PTPRM: variants seen among roughly 807,000 people sequenced by gnomAD.
The protein encoded by PTPRM is protein tyrosine phosphatase receptor type M, also known as receptor-type tyrosine-protein phosphatase mu.
In PTPRM, 47 loss-of-function variants were observed where a neutral mutation model predicts 186.7. That is an observed-to-expected ratio of 0.25 (90% CI 0.20 to 0.32). The LOEUF (loss-of-function observed/expected upper bound fraction) is 0.32. PTPRM is among the 10% of genes least tolerant of loss of function. The probability of loss-of-function intolerance (pLI) is 1.00; values close to 1 mark genes in which losing one functional copy is unlikely to be tolerated. For synonymous variants in PTPRM, 668 were observed against 674.9 expected (o/e 0.99, Z 0.16); for missense variants, 1,494 against 1,865.0 (o/e 0.80, Z 3.66).
intron 13 of PTPRM, among the ~76,000 whole-genome samples, chr18:8,115,029 CT>C (rs2091901491): frequency 6.6e-6 from 1 of 151,706 alleles, no homozygotes; most frequent in Non-Finnish European, 1.5e-5. Flanking sequence ...CATATAGATA[CT>C]TTTTAAAATA....
chr18:7,885,556 G>A (rs564420855), intron 2 of PTPRM, among the ~76,000 whole-genome samples: 1 of 152,258 alleles, frequency 6.6e-6, no homozygotes, highest in African/African-American at 2.4e-5. Context: ...AAGAGGACTT[G>A]TGTGTAATAG....
At chr18:7,835,401 CTT>C (rs1415865449) in intron 2 of PTPRM, among the ~76,000 whole-genome samples, 1 of 151,902 alleles carries the variant, frequency 6.6e-6, no homozygotes, top group Non-Finnish European at 1.5e-5. Flanking sequence ...CAAAATTCCT[CTT>C]GTTATTGATT....
chr18:8,195,463 A>G (rs575067759), intron 14 of PTPRM, among the ~76,000 whole-genome samples: 1 of 152,352 alleles, frequency 6.6e-6, no homozygotes, highest in Non-Finnish European at 1.5e-5. Context: ...AGCGCTATTC[A>G]CAATAGCAAA....
intron 2 of PTPRM, among the ~76,000 whole-genome samples, chr18:7,816,495 A>C (rs953087840): frequency 6.6e-6 from 1 of 152,248 alleles, no homozygotes; most frequent in African/African-American, 2.4e-5. Flanking sequence ...CTTAAAAATT[A>C]AGTGGTATAA....
Position 8,067,676 on chromosome 18 carries a change from A to G in PTPRM, c.1133-2010A>G, listed in dbSNP as rs140312851. Among the ~76,000 whole-genome samples, 7 of 152,342 alleles carry G rather than the reference A, an allele frequency of 4.6e-5. No individual in the cohort carries two copies. In the East Asian group the frequency reaches 7.7e-4, roughly 17 times the overall value. ...GGGGATTTTAAGTTCTCTCTGTGGC[A>G]TAATTGATGGAGAAAACAGACACAA... On this transcript the variant is annotated intron_variant, in intron 7 of 32. Transcript: ENST00000580170.
intron 3 of PTPRM, among the ~76,000 whole-genome samples, chr18:7,898,968 A>G (rs548125058): frequency 1.9e-4 from 29 of 152,350 alleles, no homozygotes; most frequent in African/African-American, 7.0e-4. Context: ...CTACTGATCA[A>G]TACCGGATGC....
At chr18:7,841,040 A>G (rs1462410404) in intron 2 of PTPRM, among the ~76,000 whole-genome samples, 1 of 152,170 alleles carries the variant, frequency 6.6e-6, no homozygotes, top group Non-Finnish European at 1.5e-5. Flanking sequence ...TTTTATAGTC[A>G]CATAGCATCA....
intron 2 of PTPRM, among the ~76,000 whole-genome samples, chr18:7,791,875 GAATT>G (rs1449267310): frequency 6.6e-5 from 10 of 151,984 alleles, no homozygotes; most frequent in African/African-American, 2.2e-4. Flanking sequence ...TAAAAGTCAA[GAATT>G]AATCCATAAC....
At chr18:8,219,465 T>A (rs536439709) in intron 14 of PTPRM, among the ~76,000 whole-genome samples, 86 of 98,486 alleles carry the variant, frequency 8.7e-4, no homozygotes, top group African/African-American at 2.7e-3. Flanking sequence ...AGAGTCCATC[T>A]CAAAAAAAAA....
rs573242014 is a variant in PTPRM at position 8,376,428 on chromosome 18, C to T, written c.3327-34C>T. 1.9e-6 allele frequency: 3 copies of T among 1,613,856 alleles called. No individual in the cohort carries two copies. In the African/African-American group the frequency reaches 4.0e-5, roughly 22 times the overall value. The stretch of plus-strand genomic sequence containing the variant: ...AAGCAGCAGCAGCAGTGTGGTCCTT[C>T]TTCCTCCACTGACAGACCCCCCTTT... On this transcript the variant is annotated intron_variant, in intron 25 of 32. Coordinates refer to ENST00000580170, the MANE Select transcript of PTPRM (RefSeq NM_001105244.2).
intron 23 of PTPRM, among the ~76,000 whole-genome samples, chr18:8,359,838 G>C (rs1352106910): frequency 6.6e-6 from 1 of 152,218 alleles, no homozygotes; most frequent in Non-Finnish European, 1.5e-5. Flanking sequence ...TTCTGCTCAC[G>C]AGCCCTTGAA....
chr18:7,813,072 A>T (rs901722177), intron 2 of PTPRM, among the ~76,000 whole-genome samples: 6 of 152,252 alleles, frequency 3.9e-5, no homozygotes, highest in African/African-American at 1.4e-4. Context: ...TGTGCAGGTT[A>T]TGCCCACTTT....
At chr18:7,620,197 C>G (rs2037904244) in intron 1 of PTPRM, among the ~76,000 whole-genome samples, 1 of 152,180 alleles carries the variant, frequency 6.6e-6, no homozygotes, top group African/African-American at 2.4e-5. Context: ...AAACCGCTGG[C>G]TGCTACACAG....
At chr18:8,363,385 A>G (rs1158105484) in intron 23 of PTPRM, among the ~76,000 whole-genome samples, 3 of 152,234 alleles carry the variant, frequency 2.0e-5, no homozygotes, top group African/African-American at 7.2e-5. Context: ...TCGTAGATCT[A>G]TACTGTGACC....
chr18:7,602,628 T>C (rs75831754), intron 1 of PTPRM, among the ~76,000 whole-genome samples: 4,621 of 151,940 alleles, frequency 0.03, 237 homozygotes, highest in African/African-American at 0.11. Context: ...GGTCTTCCCA[T>C]GTTTTCAAGA....
At chr18:8,165,802 G>C (rs2093314652) in intron 14 of PTPRM, among the ~76,000 whole-genome samples, 1 of 152,160 alleles carries the variant, frequency 6.6e-6, no homozygotes, top group Non-Finnish European at 1.5e-5. Context: ...AGCTTATAGT[G>C]CTTCAAATCA....
At chr18:8,236,151 C>A (rs1352393815) in intron 14 of PTPRM, among the ~76,000 whole-genome samples, 2 of 152,116 alleles carry the variant, frequency 1.3e-5, no homozygotes, top group Non-Finnish European at 2.9e-5. Flanking sequence ...CTGAGCTGTC[C>A]ATTACTGACA....
chr18:8,288,004 G>A (rs930989545), intron 19 of PTPRM, among the ~76,000 whole-genome samples: 2 of 152,184 alleles, frequency 1.3e-5, no homozygotes, highest in African/African-American at 4.8e-5. Context: ...CCAAGTTCCA[G>A]AATCTTCAAA....
At chr18:7,850,253 G>A (rs144660085) in intron 2 of PTPRM, among the ~76,000 whole-genome samples, 156 of 152,312 alleles carry the variant, frequency 1.0e-3, no homozygotes, top group Middle Eastern at 3.4e-3. Context: ...AAGATTCTGG[G>A]CTTTGTTCTT....
Sources: allele counts gnomAD v4.1 joint callset (sites outside exome capture counted in the v4.1 genomes callset), GRCh38; gene constraint gnomAD v4.1.1; transcripts MANE v1.5; gene names NCBI Gene and HGNC (gene_info 2026-07-23, HGNC 2026-07-21).